SDK1: variants seen among roughly 807,000 people sequenced by gnomAD.
SDK1 encodes the protein sidekick cell adhesion molecule 1.
Under a neutral mutation model 245.5 loss-of-function variants are expected in SDK1, and 157 were observed. The ratio of observed to expected loss-of-function variants is 0.64; its 90% CI spans 0.56 to 0.73. The LOEUF (loss-of-function observed/expected upper bound fraction) is 0.73, where lower values mean the gene tolerates loss of function less well. Ranked by LOEUF, SDK1 falls within the 30% of genes least tolerant of loss-of-function variation. SDK1 has a pLI of 0.00. For missense variants in SDK1, 3,583 were observed against 3,002.3 expected (o/e 1.19, Z -4.52); for synonymous variants, 1,647 against 1,278.5 (o/e 1.29, Z -6.15).
chr7:3,781,703 A>G (rs564864915), intron 4 of SDK1, among the ~76,000 whole-genome samples: 2 of 152,324 alleles, frequency 1.3e-5, no homozygotes, highest in East Asian at 1.9e-4. Context: ...AAAGAAAGCA[A>G]GAAATTTGAC....
intron 5 of SDK1, among the ~76,000 whole-genome samples, chr7:3,940,631 T>G (rs959964808): frequency 4.0e-5 from 6 of 151,852 alleles, no homozygotes; most frequent in Non-Finnish European, 7.4e-5. Flanking sequence ...GAGACCAGCC[T>G]GGGCAACACG....
At chr7:4,052,466 T>C (rs940522457) in intron 19 of SDK1, among the ~76,000 whole-genome samples, 7 of 151,968 alleles carry the variant, frequency 4.6e-5, no homozygotes, top group African/African-American at 1.7e-4. Flanking sequence ...ATGGGGAGAA[T>C]TGGGAAAAAG....
At chr7:3,752,134 G>A (rs897126253) in intron 4 of SDK1, among the ~76,000 whole-genome samples, 2 of 152,048 alleles carry the variant, frequency 1.3e-5, no homozygotes, top group South Asian at 2.1e-4. Flanking sequence ...TGCACTTTTC[G>A]TTTTCATCTT....
rs117105678 is a variant in SDK1, at chr7:4,268,695, C to T, written c.*3311C>T. ...GCACACAGTGTAGCTATCCTCCTGA[C>T]GAGCAACCCGTCTGCGTACCTAAGT... On this transcript the variant is annotated 3_prime_UTR_variant, in exon 45 of 45. Coordinates refer to ENST00000404826, the MANE Select transcript of SDK1 (RefSeq NM_152744.4). 5,521 of 1,367,864 alleles carry T rather than the reference C, an allele frequency of 4.0e-3. 26 individuals carry two copies. The highest frequency in any genetic ancestry group is 0.02 in the Middle Eastern group (93 of 4,768). 84.7% of individuals were successfully genotyped at this position (1,367,864 alleles called of 1,614,324 possible).
At chr7:3,910,207 A>G (rs926830489) in intron 5 of SDK1, among the ~76,000 whole-genome samples, 23 of 152,234 alleles carry the variant, frequency 1.5e-4, no homozygotes, top group African/African-American at 5.1e-4. Context: ...TCTGTAGTGC[A>G]CAGAGCCAAG....
chr7:3,864,443 C>T (rs1562499068), intron 5 of SDK1, among the ~76,000 whole-genome samples: 1 of 152,310 alleles, frequency 6.6e-6, no homozygotes, highest in South Asian at 2.1e-4. Context: ...CTGACGTCTC[C>T]ATCTGTTGAA....
At chr7:3,413,888 G>A (rs1779285364) in intron 1 of SDK1, among the ~76,000 whole-genome samples, 1 of 152,134 alleles carries the variant, frequency 6.6e-6, no homozygotes, top group African/African-American at 2.4e-5. Flanking sequence ...TGGGAGGATT[G>A]CTTGAGCCCA....
intron 1 of SDK1, among the ~76,000 whole-genome samples, chr7:3,344,524 G>A (rs1468782514): frequency 6.6e-6 from 1 of 152,170 alleles, no homozygotes; most frequent in Non-Finnish European, 1.5e-5. Context: ...CTTAAAAGAA[G>A]AATTGTAGAC....
intron 4 of SDK1, among the ~76,000 whole-genome samples, chr7:3,695,034 T>C (rs114128801): frequency 1.8e-4 from 27 of 152,300 alleles, no homozygotes; most frequent in African/African-American, 5.8e-4. Context: ...AGGTGTTTCA[T>C]TGGGAAACAT....
chr7:3,983,634 G>A (rs1783590637), intron 13 of SDK1, among the ~76,000 whole-genome samples: 1 of 152,222 alleles, frequency 6.6e-6, no homozygotes, highest in Non-Finnish European at 1.5e-5. Flanking sequence ...CTTCATTGTG[G>A]TGGTCGGGAA....
At chr7:3,559,713 A>G (rs1334817259) in intron 1 of SDK1, among the ~76,000 whole-genome samples, 1 of 151,472 alleles carries the variant, frequency 6.6e-6, no homozygotes, top group East Asian at 1.9e-4. Context: ...TTGAACCTCA[A>G]GGTAACGCTG....
intron 19 of SDK1, among the ~76,000 whole-genome samples, chr7:4,058,731 A>T (rs1331181373): frequency 1.3e-5 from 2 of 152,238 alleles, no homozygotes; most frequent in African/African-American, 4.8e-5. Flanking sequence ...CTTGTTAGCC[A>T]AGAGTACTAT....
At chr7:3,552,816 A>G (rs770201666) in intron 1 of SDK1, among the ~76,000 whole-genome samples, 12 of 152,188 alleles carry the variant, frequency 7.9e-5, no homozygotes, top group Non-Finnish European at 1.8e-4. Flanking sequence ...TTGCCCAGTC[A>G]TTTTACTCTG....
intron 13 of SDK1, among the ~76,000 whole-genome samples, chr7:3,980,329 G>C (rs1783302033): frequency 6.6e-6 from 1 of 152,118 alleles, no homozygotes; most frequent in Non-Finnish European, 1.5e-5. Flanking sequence ...TGATATTCCT[G>C]AGGTGTCCTG....
At chr7:4,232,651 T>C (rs1023042434) in intron 40 of SDK1, among the ~76,000 whole-genome samples, 1 of 151,362 alleles carries the variant, frequency 6.6e-6, no homozygotes, top group Non-Finnish European at 1.5e-5. Flanking sequence ...ATTGTGCATA[T>C]ATATGTTTCC....
rs565233107 is a variant in SDK1, at chr7:3,996,058, ACT to A, written c.2131+8741_2131+8742del. The stretch of plus-strand genomic sequence containing the variant: ...AAAGGTTTAATTTTTAATATATTTA[ACT>A]CTCTAATTTTTCTGGAATTTAGGTG... On this transcript the variant is annotated intron_variant, in intron 14 of 44. Transcript: ENST00000404826. Among the ~76,000 whole-genome samples, 818 of 151,632 alleles carry A rather than the reference ACT, an allele frequency of 5.4e-3. 7 individuals carry two copies. Among genetic ancestry groups the A allele is most frequent in the African/African-American group, 0.019 (769 of 41,376 alleles).
intron 4 of SDK1, among the ~76,000 whole-genome samples, chr7:3,648,652 C>G (rs887794182): frequency 6.6e-6 from 1 of 152,164 alleles, no homozygotes; most frequent in Non-Finnish European, 1.5e-5. Context: ...CAACTTAATG[C>G]TCGAATGAAG....
chr7:3,620,820 C>G (rs1167343532), intron 2 of SDK1, among the ~76,000 whole-genome samples: 1 of 152,100 alleles, frequency 6.6e-6, no homozygotes, highest in African/African-American at 2.4e-5. Flanking sequence ...CTTGCTCTCC[C>G]CATTCCCATT....
At chr7:3,785,920 G>C (rs41898) in intron 4 of SDK1, among the ~76,000 whole-genome samples, 9,843 of 152,196 alleles carry the variant, frequency 0.065, 968 homozygotes, top group African/African-American at 0.22. Context: ...ATTCCTTGAG[G>C]AAATGTGGTC....
Sources: gnomAD v4.1 joint callset for allele counts (sites outside exome capture counted in the v4.1 genomes callset) on GRCh38, gnomAD v4.1.1 for gene constraint, MANE v1.5 for transcripts, NCBI Gene and HGNC (gene_info 2026-07-23, HGNC 2026-07-21) for gene names.